Variants in MAST4 observed in about 807,000 individuals in gnomAD.
The protein encoded by MAST4 is microtubule associated serine/threonine kinase family member 4.
A neutral mutation model predicts 162.7 loss-of-function variants in MAST4; 89 were observed. The ratio of observed to expected loss-of-function variants is 0.55; its 90% confidence interval spans 0.46 to 0.65. The LOEUF is 0.65. Ranked by LOEUF, MAST4 falls within the 30% of genes least tolerant of loss-of-function variation. The pLI is 0.00. For missense variants in MAST4, 3,153 were observed against 3,374.0 expected, an observed-to-expected ratio of 0.93 and a Z score of 1.62; for synonymous variants, 1,479 against 1,361.1, an observed-to-expected ratio of 1.09 and a Z score of -1.91.
intron 3 of MAST4, chr5:66,828,803 G>A (rs558598646): frequency 2.6e-5 from 42 of 1,597,356 alleles, no homozygotes; most frequent in Non-Finnish European, 3.6e-5. Flanking sequence ...GTACAGCATG[G>A]CTAGACTGTT....
At chr5:67,071,438 C>G (rs573326559) in intron 5 of MAST4, among the ~76,000 whole-genome samples, 1 of 152,172 alleles carries the variant, frequency 6.6e-6, no homozygotes, top group South Asian at 2.1e-4. Flanking sequence ...ATGGATCTTT[C>G]CTGGAAAAGT....
chr5:66,765,700 T>C (rs1221054995), intron 2 of MAST4, among the ~76,000 whole-genome samples: 1 of 152,098 alleles, frequency 6.6e-6, no homozygotes, highest in Non-Finnish European at 1.5e-5. Flanking sequence ...ATGTAGACAA[T>C]TTAGAAAATA....
intron 1 of MAST4, among the ~76,000 whole-genome samples, chr5:66,742,092 G>T (rs1299302310): frequency 6.6e-6 from 1 of 151,966 alleles, no homozygotes; most frequent in African/African-American, 2.4e-5. Flanking sequence ...CTTGTCTCTT[G>T]TTTCCAGCCT....
intron 1 of MAST4, among the ~76,000 whole-genome samples, chr5:66,703,676 CT>C (rs1286426493): frequency 2.6e-5 from 4 of 152,120 alleles, no homozygotes; most frequent in Non-Finnish European, 5.9e-5. Context: ...AGTTGTTGCC[CT>C]CATGCTCATT....
chr5:66,750,661 C>G lies in MAST4; in HGVS notation c.364-9048C>G, dbSNP rs1041110713. 9.4e-4 allele frequency among the ~76,000 whole-genome samples: 143 copies of G among 152,324 alleles called. 1 individual carries two copies. The highest frequency in any genetic ancestry group is 3.5e-3 in the South Asian group (17 of 4,826). The stretch of plus-strand genomic sequence containing the variant: ...GAGGGTCCTACGCCCACGGAGTCTC[C>G]CTGATTGCTAGCACAGCAGTCTGAG... On this transcript the variant is annotated intron_variant, in intron 1 of 28. Transcript: ENST00000403625.
intron 4 of MAST4, among the ~76,000 whole-genome samples, chr5:66,973,983 T>A (rs1299810035): frequency 6.6e-6 from 1 of 152,146 alleles, no homozygotes; most frequent in Non-Finnish European, 1.5e-5. Context: ...TTTGAGCACC[T>A]CCTCACTTTC....
At chr5:66,815,553 C>T (rs1756677209) in intron 3 of MAST4, among the ~76,000 whole-genome samples, 1 of 152,212 alleles carries the variant, frequency 6.6e-6, no homozygotes, top group Admixed American at 6.5e-5. Context: ...CATCCTGGAA[C>T]TTATCCCTGG....
At chr5:66,663,672 G>T (rs1312110862) in intron 1 of MAST4, among the ~76,000 whole-genome samples, 1 of 152,180 alleles carries the variant, frequency 6.6e-6, no homozygotes, top group Non-Finnish European at 1.5e-5. Flanking sequence ...ACTGTAGCTG[G>T]AATAGAGTGG....
At chr5:67,146,445 C>T (rs1324581670) in intron 23 of MAST4, among the ~76,000 whole-genome samples, 1 of 152,042 alleles carries the variant, frequency 6.6e-6, no homozygotes, top group Non-Finnish European at 1.5e-5. Context: ...TGCATTTATG[C>T]TTTTTCAAAA....
At chr5:66,664,189 A>G (rs1258781894) in intron 1 of MAST4, among the ~76,000 whole-genome samples, 2 of 152,114 alleles carry the variant, frequency 1.3e-5, no homozygotes, top group Non-Finnish European at 2.9e-5. Flanking sequence ...TAATCCCAGC[A>G]CTTTGGGAGG....
chr5:66,700,800 T>C (rs6879621), intron 1 of MAST4, among the ~76,000 whole-genome samples: 28,513 of 90,776 alleles, frequency 0.31, 3,003 homozygotes, highest in African/African-American at 0.39. Context: ...TATATATATA[T>C]ACACACACAC....
intron 26 of MAST4, among the ~76,000 whole-genome samples, chr5:67,159,953 A>G (rs1772999617): frequency 6.6e-6 from 1 of 152,242 alleles, no homozygotes; most frequent in Non-Finnish European, 1.5e-5. Flanking sequence ...TTTTTAGGCC[A>G]AAGGAAAAAC....
chr5:66,904,952 C>A (rs970556351), intron 4 of MAST4, among the ~76,000 whole-genome samples: 5 of 151,936 alleles, frequency 3.3e-5, no homozygotes, highest in African/African-American at 1.2e-4. Flanking sequence ...ACCTAGTAGA[C>A]CCCGGTGTCT....
intron 2 of MAST4, among the ~76,000 whole-genome samples, chr5:66,768,442 A>C (rs114662437): frequency 0.014 from 2,113 of 152,332 alleles, 52 homozygotes; most frequent in African/African-American, 0.048. Context: ...ATACCATGGA[A>C]TACTACTTGG....
intron 5 of MAST4, among the ~76,000 whole-genome samples, chr5:67,062,015 G>A (rs1055547915): frequency 7.9e-5 from 12 of 152,094 alleles, no homozygotes; most frequent in Non-Finnish European, 1.2e-4. Flanking sequence ...TCAAAGGAGA[G>A]GCTATTACTT....
intron 12 of MAST4, 143 bp downstream of exon 12, chr5:67,114,362 T>A (rs937744174): frequency 2.2e-5 from 22 of 1,011,920 alleles, no homozygotes; most frequent in Non-Finnish European, 3.1e-5. Context: ...GGTTGCTATT[T>A]GAAGGAAATA....
chr5:67,023,261 G>T (rs1754214914), intron 4 of MAST4, among the ~76,000 whole-genome samples: 1 of 152,174 alleles, frequency 6.6e-6, no homozygotes, highest in African/African-American at 2.4e-5. Flanking sequence ...AGTTTCTGGA[G>T]AGATAGTGAG....
intron 1 of MAST4, among the ~76,000 whole-genome samples, chr5:66,731,496 C>T (rs751545012): frequency 1.8e-4 from 27 of 150,252 alleles, no homozygotes; most frequent in Non-Finnish European, 4.0e-4. Flanking sequence ...CTAAAACATA[C>T]ATACAGAAAA....
At chr5:66,646,091 A>G (rs1332416344) in intron 1 of MAST4, among the ~76,000 whole-genome samples, 2 of 152,178 alleles carry the variant, frequency 1.3e-5, no homozygotes, top group African/African-American at 4.8e-5. Flanking sequence ...AATTGAAACA[A>G]TGAGATATTT....
Sources: allele counts gnomAD v4.1 joint callset (sites outside exome capture counted in the v4.1 genomes callset), GRCh38; gene constraint gnomAD v4.1.1; transcripts MANE v1.5; gene names NCBI Gene and HGNC (gene_info 2026-07-23, HGNC 2026-07-21).